Variants in E2F7 observed in about 807,000 individuals in gnomAD.
E2F7 encodes transcription factor E2F7.
E2F7 carries 35 observed loss-of-function variants against 81.1 expected under a neutral mutation model. The ratio of observed to expected loss-of-function variants is 0.43; its 90% confidence interval spans 0.33 to 0.57. E2F7 has a LOEUF of 0.57. E2F7 is among the 20% of genes least tolerant of loss of function. The pLI, the probability that E2F7 is intolerant of heterozygous loss-of-function variation, is 0.04. For synonymous variants in E2F7, 416 were observed against 416.2 expected, an observed-to-expected ratio of 1.00 and a Z score of 0.01; for missense variants, 961 against 1,093.7, an observed-to-expected ratio of 0.88 and a Z score of 1.71.
At chr12:77,042,062 G>A (rs182973238) in intron 7 of E2F7, among the ~76,000 whole-genome samples, 18 of 152,310 alleles carry the variant, frequency 1.2e-4, no homozygotes, top group Admixed American at 1.0e-3. Flanking sequence ...CTTGAAGGTT[G>A]AGAATATTTT....
intron 3 of E2F7, 40 bp downstream of exon 3, chr12:77,055,815 T>C (rs1176293518): frequency 6.5e-7 from 1 of 1,527,506 alleles, no homozygotes; most frequent in Non-Finnish European, 8.8e-7. Flanking sequence ...GTAAAATTGT[T>C]TAAGTTCTAA....
At chr12:77,050,093 C>T (rs1287769933) in intron 4 of E2F7, among the ~76,000 whole-genome samples, 1 of 151,892 alleles carries the variant, frequency 6.6e-6, no homozygotes, top group Non-Finnish European at 1.5e-5. Context: ...GTCCAAATGA[C>T]CTTTTTCTAA....
At chr12:77,043,028 A>C (rs1954906898) in intron 7 of E2F7, 37 bp downstream of exon 7, 1 of 1,613,424 alleles carries the variant, frequency 6.2e-7, no homozygotes, top group Non-Finnish European at 8.5e-7. Flanking sequence ...GAGAATTCTA[A>C]ATAAAACAGC....
At chr12:77,057,100 T>A (rs544027261) in intron 2 of E2F7, among the ~76,000 whole-genome samples, 2 of 152,162 alleles carry the variant, frequency 1.3e-5, no homozygotes, top group East Asian at 3.9e-4. Flanking sequence ...TAACCCAGGC[T>A]GGAGGGCAGT....
rs758804939 is a variant in E2F7, at chr12:77,044,779, T to C, written c.846A>G (p.Arg282=). 1 of 1,613,928 alleles carries C rather than the reference T, an allele frequency of 6.2e-7. No homozygotes were observed. The highest frequency in any genetic ancestry group is 8.5e-7 in the Non-Finnish European group (1 of 1,179,978). ...TCATAATTCTCAGAGACTTGTCTTT[T>C]CTACTGTTTGCAGATGCTACACAAG... ...PDCPSSSANS[R]KDKSLRIMSQ... The change falls in exon 6 of 13, where the codon AGA becomes AGG. Residue 282 remains arginine (R), a synonymous_variant. Coordinates refer to ENST00000322886, the MANE Select transcript of E2F7 (RefSeq NM_203394.3).
chr12:77,058,590 G>A (rs747890607), intron 2 of E2F7, among the ~76,000 whole-genome samples: 1 of 152,106 alleles, frequency 6.6e-6, no homozygotes, highest in Non-Finnish European at 1.5e-5. Flanking sequence ...AGGATGTAGG[G>A]CCAGTTAACC....
At chr12:77,044,340 C>T (rs1470222639) in intron 6 of E2F7, 5 of 512,056 alleles carry the variant, frequency 9.8e-6, no homozygotes, top group Non-Finnish European at 1.9e-5. Flanking sequence ...TTGGATGCAG[C>T]AATACTAAAG....
chr12:77,022,196 G>A lies in E2F7; in HGVS notation c.*1819C>T, dbSNP rs1954718304. ...AATTAACATGCATATACCCTGCACA[G>A]ATTGAAACCTGAAAAAGGTATATTT... On this transcript the variant is annotated 3_prime_UTR_variant, in exon 13 of 13. Coordinates refer to ENST00000322886, the MANE Select transcript of E2F7 (RefSeq NM_203394.3). 1 of 152,122 alleles carries A rather than the reference G, an allele frequency of 6.6e-6. No homozygotes were observed. Among genetic ancestry groups the A allele is most frequent in the Admixed American group, 6.6e-5 (1 of 15,266 alleles). 9.4% of individuals were successfully genotyped at this position (152,122 alleles called of 1,614,324 possible).
chr12:77,048,776 T>C (rs1475230368), intron 4 of E2F7, among the ~76,000 whole-genome samples: 1 of 152,128 alleles, frequency 6.6e-6, no homozygotes, highest in Non-Finnish European at 1.5e-5. Flanking sequence ...AGCCATAACA[T>C]GGGGATGTGC....
chr12:77,027,609 T>C (rs1424197491), intron 11 of E2F7, among the ~76,000 whole-genome samples: 2 of 152,192 alleles, frequency 1.3e-5, no homozygotes, highest in African/African-American at 4.8e-5. Flanking sequence ...AATGCTAGAC[T>C]CAGCTGAATT....
At chr12:77,057,744 A>C in intron 2 of E2F7, among the ~76,000 whole-genome samples, 1 of 152,246 alleles carries the variant, frequency 6.6e-6, no homozygotes, top group East Asian at 1.9e-4. Flanking sequence ...AGTTTCAAAA[A>C]TTCAATATGA....
At chr12:77,064,478 A>C (rs1179484447) in intron 2 of E2F7, 65 bp downstream of exon 2, 1 of 1,282,642 alleles carries the variant, frequency 7.8e-7, no homozygotes, top group Non-Finnish European at 1.1e-6. Flanking sequence ...ATGTTGGAAC[A>C]CTTAATTGAA....
At chr12:77,044,865 GC>G in intron 5 of E2F7, 70 bp from the exon 6 acceptor site, 1 of 1,546,552 alleles carries the variant, frequency 6.5e-7, no homozygotes, top group South Asian at 1.2e-5. Context: ...CTTGCAGCTT[GC>G]CAAAATGATC....
At chr12:77,064,421 AT>A in intron 2 of E2F7, 121 bp downstream of exon 2, 1 of 775,154 alleles carries the variant, frequency 1.3e-6, no homozygotes, top group Middle Eastern at 2.4e-4. Flanking sequence ...TGTTTCTATA[AT>A]GTTTATCAAT....
At chr12:77,049,910 A>C (rs1954972375) in intron 4 of E2F7, among the ~76,000 whole-genome samples, 1 of 152,204 alleles carries the variant, frequency 6.6e-6, no homozygotes, top group Non-Finnish European at 1.5e-5. Context: ...CTGCTTATTT[A>C]ACGAGTGTCA....
rs1161831090 is a variant in E2F7 at position 77,064,637 on chromosome 12, T to C, written c.1-2A>G. 1.2e-6 allele frequency: 2 copies of C among 1,612,504 alleles called. No individual in the cohort carries two copies. Among genetic ancestry groups the C allele is most frequent in the Non-Finnish European group, 1.7e-6 (2 of 1,179,310 alleles). On this transcript the variant is annotated splice_acceptor_variant, in intron 1 of 12. Coordinates refer to ENST00000322886, the MANE Select transcript of E2F7 (RefSeq NM_203394.3). LOFTEE classifies it low-confidence loss of function (5UTR_SPLICE). ...TAGTGTTAAACAATTTACCTCCATCTGTAATGCACAATTACACTAGAAAAT... is the reference window on the plus strand; with the variant it reads ...TAGTGTTAAACAATTTACCTCCATCCGTAATGCACAATTACACTAGAAAAT...
chr12:77,062,891 A>G (rs1955089069), intron 2 of E2F7, among the ~76,000 whole-genome samples: 1 of 147,166 alleles, frequency 6.8e-6, no homozygotes, highest in Non-Finnish European at 1.5e-5. Flanking sequence ...GATAATTAAA[A>G]AAAAAAAAAA....
chr12:77,061,276 A>G (rs1425867178), intron 2 of E2F7, among the ~76,000 whole-genome samples: 4 of 152,180 alleles, frequency 2.6e-5, no homozygotes. Flanking sequence ...TATAAACCAC[A>G]CAGGTACAAA....
At position 77,022,504 on chromosome 12, in the gene E2F7, A is replaced by G. The variant is rs1954720923; in HGVS notation, c.*1511T>C. ...AAAGCTACTTTATTCAGACTCCCAG[A>G]GTCTCTTAAATTAATATTTTCATTC... is the stretch of plus-strand genomic sequence containing the variant. On this transcript the variant is annotated 3_prime_UTR_variant, in exon 13 of 13. Transcript: ENST00000322886. The G allele has an allele frequency of 6.6e-6, 1 of 152,586 alleles. No homozygotes were observed. The highest frequency in any genetic ancestry group is 2.1e-4 in the South Asian group (1 of 4,828). 9.5% of individuals were successfully genotyped at this position (152,586 alleles called of 1,614,324 possible).
Sources: gnomAD v4.1 joint callset for allele counts (sites outside exome capture counted in the v4.1 genomes callset) on GRCh38, gnomAD v4.1.1 for gene constraint, MANE v1.5 for transcripts, NCBI Gene and HGNC (gene_info 2026-07-23, HGNC 2026-07-21) for gene names.